Variants in ALDH1A2 observed in about 807,000 individuals in gnomAD.
The protein encoded by ALDH1A2 is retinal dehydrogenase 2.
A neutral mutation model predicts 60.3 loss-of-function variants in ALDH1A2; 27 were observed. The ratio of observed to expected loss-of-function variants is 0.45; its 90% confidence interval spans 0.33 to 0.62. The LOEUF is 0.62. Ranked by LOEUF, ALDH1A2 falls within the 20% of genes least tolerant of loss-of-function variation. The pLI is 0.02. For missense variants in ALDH1A2, 581 were observed against 643.8 expected, an observed-to-expected ratio of 0.90 and a Z score of 1.06; for synonymous variants, 289 against 232.4, an observed-to-expected ratio of 1.24 and a Z score of -2.21.
intron 7 of ALDH1A2, chr15:57,979,700 G>C (rs1894416742): frequency 4.0e-6 from 1 of 250,100 alleles, no homozygotes; most frequent in Admixed American, 4.2e-5. Flanking sequence ...TGTGGGGAGA[G>C]AGTGTGCTGG....
intron 7 of ALDH1A2, among the ~76,000 whole-genome samples, chr15:57,984,628 C>A (rs1328896534): frequency 2.6e-5 from 4 of 152,162 alleles, no homozygotes; most frequent in African/African-American, 9.7e-5. Flanking sequence ...TCTTTTGTAA[C>A]TGGATTCTTT....
intron 1 of ALDH1A2, among the ~76,000 whole-genome samples, chr15:58,054,540 T>C (rs1896849882): frequency 6.6e-6 from 1 of 152,186 alleles, no homozygotes; most frequent in East Asian, 1.9e-4. Context: ...CTTAGTAAGA[T>C]GATTGCTCAT....
chr15:57,997,780 T>A (rs1048912705), intron 4 of ALDH1A2, among the ~76,000 whole-genome samples: 34 of 152,014 alleles, frequency 2.2e-4, no homozygotes, highest in African/African-American at 8.0e-4. Flanking sequence ...AACTGAGTTA[T>A]GAGGAATTAA....
At chr15:57,981,325 C>CACACAG (rs1555400469) in intron 7 of ALDH1A2, among the ~76,000 whole-genome samples, 1 of 145,104 alleles carries the variant, frequency 6.9e-6, no homozygotes, top group African/African-American at 2.8e-5. Flanking sequence ...CACACACACA[C>CACACAG]ACAGACACAC....
chr15:58,048,424 GA>G (rs1566960386), intron 1 of ALDH1A2, among the ~76,000 whole-genome samples: 1 of 152,062 alleles, frequency 6.6e-6, no homozygotes, highest in Non-Finnish European at 1.5e-5. Context: ...TTCTGAAAGT[GA>G]AAGGACACAG....
intron 7 of ALDH1A2, chr15:57,979,830 C>T (rs543404613): frequency 3.7e-6 from 1 of 271,482 alleles, no homozygotes; most frequent in Non-Finnish European, 8.0e-6. Flanking sequence ...GCAGGCAGTA[C>T]TTGGGGTCAC....
chr15:58,063,089 A>C (rs1897083984), intron 1 of ALDH1A2, among the ~76,000 whole-genome samples: 1 of 152,206 alleles, frequency 6.6e-6, no homozygotes, highest in Non-Finnish European at 1.5e-5. Flanking sequence ...CACAAGTACA[A>C]AGTTTTCTAA....
intron 3 of ALDH1A2, among the ~76,000 whole-genome samples, chr15:58,011,333 T>A (rs1331166117): frequency 6.6e-6 from 1 of 152,234 alleles, no homozygotes; most frequent in Non-Finnish European, 1.5e-5. Flanking sequence ...GCTGGTTTTT[T>A]GTAAACATTT....
At chr15:58,042,173 T>C (rs1331395064) in intron 1 of ALDH1A2, among the ~76,000 whole-genome samples, 2 of 151,976 alleles carry the variant, frequency 1.3e-5, no homozygotes, top group African/African-American at 4.8e-5. Context: ...GAACATACTG[T>C]TTCCTGCCTT....
At chr15:58,046,607 A>G (rs1329131282) in intron 1 of ALDH1A2, among the ~76,000 whole-genome samples, 2 of 151,984 alleles carry the variant, frequency 1.3e-5, no homozygotes, top group Non-Finnish European at 2.9e-5. Flanking sequence ...AAACTCTCTG[A>G]GCTTTGTTTC....
At chr15:57,987,707 C>T (rs576475772) in intron 7 of ALDH1A2, among the ~76,000 whole-genome samples, 2 of 151,986 alleles carry the variant, frequency 1.3e-5, no homozygotes, top group South Asian at 2.1e-4. Flanking sequence ...GGTGGAACCC[C>T]GTCTCTGCTA....
At chr15:57,996,690 G>A (rs759754758) in intron 4 of ALDH1A2, among the ~76,000 whole-genome samples, 44 of 151,640 alleles carry the variant, frequency 2.9e-4, no homozygotes, top group Non-Finnish European at 5.7e-4. Flanking sequence ...CATATCTGTG[G>A]AATTTCTTGA....
chr15:57,995,364 A>C (rs1277697433), intron 4 of ALDH1A2, among the ~76,000 whole-genome samples: 7 of 152,034 alleles, frequency 4.6e-5, no homozygotes, highest in Non-Finnish European at 1.0e-4. Flanking sequence ...TGAGGAAAGG[A>C]TCTCTAAGGC....
intron 1 of ALDH1A2, among the ~76,000 whole-genome samples, chr15:58,043,625 T>C (rs938191684): frequency 4.6e-5 from 7 of 151,966 alleles, no homozygotes; most frequent in Admixed American, 6.6e-5. Flanking sequence ...TACAAAGACA[T>C]CATTTGAAAC....
chr15:57,975,120 G>A (rs1297633861), intron 7 of ALDH1A2, among the ~76,000 whole-genome samples: 3 of 152,258 alleles, frequency 2.0e-5, no homozygotes, highest in Non-Finnish European at 4.4e-5. Context: ...TGGTAGGAAT[G>A]TAAGATGGTA....
chr15:57,958,016 G>A (rs182310942), intron 12 of ALDH1A2, among the ~76,000 whole-genome samples: 38 of 152,250 alleles, frequency 2.5e-4, no homozygotes, highest in Admixed American at 1.0e-3. Flanking sequence ...CTGCTGGAAC[G>A]GAGGTGCTTC....
At chr15:58,014,490 C>T (rs1184158063) in intron 1 of ALDH1A2, 2 of 610,760 alleles carry the variant, frequency 3.3e-6, no homozygotes, top group South Asian at 3.0e-5. Flanking sequence ...AGGCTAACTA[C>T]AGTTCTTACC....
intron 7 of ALDH1A2, among the ~76,000 whole-genome samples, chr15:57,986,636 C>A (rs1894713193): frequency 7.0e-6 from 1 of 142,916 alleles, no homozygotes; most frequent in Non-Finnish European, 1.5e-5. Flanking sequence ...TCAGAGACGA[C>A]AGAGAAGTTA....
intron 7 of ALDH1A2, among the ~76,000 whole-genome samples, chr15:57,973,415 C>T (rs912140026): frequency 1.3e-5 from 2 of 152,288 alleles, no homozygotes; most frequent in East Asian, 3.9e-4. Context: ...GTTCCAGACA[C>T]TTTGTAATGT....
Sources: allele counts gnomAD v4.1 joint callset (sites outside exome capture counted in the v4.1 genomes callset), GRCh38; gene constraint gnomAD v4.1.1; transcripts MANE v1.5; gene names NCBI Gene and HGNC (gene_info 2026-07-23, HGNC 2026-07-21).